The following HES7 variants were observed in gnomAD, a reference collection of about 807,000 sequenced individuals.
HES7 encodes transcription factor HES-7.
A neutral mutation model predicts 18.0 loss-of-function variants in HES7; 8 were observed. That is an observed-to-expected ratio of 0.45 (90% CI 0.26 to 0.80). The LOEUF is 0.80. HES7 is among the 30% of genes least tolerant of loss of function. The pLI is 0.18. For missense variants in HES7, 356 were observed against 340.9 expected, an observed-to-expected ratio of 1.04 and a Z score of -0.35; for synonymous variants, 170 against 158.6, an observed-to-expected ratio of 1.07 and a Z score of -0.54.
chr17:8,125,210 AC>A (rs1413175787), upstream of HES7, among the ~76,000 whole-genome samples: 1 of 152,198 alleles, frequency 6.6e-6, no homozygotes, highest in African/African-American at 2.4e-5. Context: ...GGATAAAGAC[AC>A]GGAAAGACAG....
chr17:8,126,506 G>T (rs918489223), upstream of HES7, among the ~76,000 whole-genome samples: 4 of 152,128 alleles, frequency 2.6e-5, no homozygotes, highest in Non-Finnish European at 5.9e-5. Flanking sequence ...TGGGAAGCTC[G>T]CTGACACTTC....
Position 8,123,280 on chromosome 17 carries a change from T to C in HES7, c.43-154A>G, listed in dbSNP as rs1338432812. On this transcript the variant is annotated intron_variant, in intron 1 of 3. Transcript: ENST00000541682. This position sits in a 1 kb window ranked among gnomAD's most constrained non-coding sequence, Gnocchi z 5.9. ...CCGGCCCCATTCGATCCCTCTCCGC[T>C]CCCCCTCCCAATGCCCCTAGATCAG... The C allele has an allele frequency of 1.5e-6, 1 of 651,192 alleles. No individual in the cohort carries two copies. Among genetic ancestry groups the C allele is most frequent in the South Asian group, 1.6e-5 (1 of 61,562 alleles). The allele number at this position is 651,192 out of a possible 1,614,324, so 40.3% of individuals were successfully genotyped here.
At position 8,122,756 on chromosome 17, in the gene HES7, G is replaced by A. The variant is rs1258649274; in HGVS notation, c.138+275C>T. ...ATCAGAGGCTGGCTGTGGGGGAGGG[G>A]GAACCGGACACTTAGAGACCCAAAG... is the stretch of plus-strand genomic sequence containing the variant. On this transcript the variant is annotated intron_variant, in intron 2 of 3. Transcript: ENST00000541682. This position sits in a 1 kb window ranked among gnomAD's most constrained non-coding sequence, Gnocchi z 6.9. 6.6e-6 allele frequency among the ~76,000 whole-genome samples: 1 copy of A among 152,166 alleles called. No homozygotes were observed. The highest frequency in any genetic ancestry group is 2.4e-5 in the African/African-American group (1 of 41,432).
rs772931911 is a variant in HES7 at position 8,121,879 on chromosome 17, C to G, written c.385G>C (p.Gly129Arg). The change falls in exon 4 of 4, where the codon GGC becomes CGC. Residue 129 changes from glycine (G) to arginine (R), a missense_variant. Transcript: ENST00000541682. ...ARAQLFSALH[G>R]YLRPKPPRPK... ...CGGGGCGGTTTGGGGCGCAGATAGC[C>G]GTGCAGCGCGGAGAAGAGCTGGGCG... The G allele has an allele frequency of 4.5e-6, 7 of 1,571,950 alleles. No homozygotes were observed. The highest frequency in any genetic ancestry group is 1.7e-5 in the Admixed American group (1 of 57,784).
chr17:8,125,095 C>G (rs1391800811), upstream of HES7, among the ~76,000 whole-genome samples: 2 of 152,142 alleles, frequency 1.3e-5, no homozygotes, highest in Non-Finnish European at 2.9e-5. Flanking sequence ...CACCTCAAAC[C>G]AAGAGCATGA....
rs986116992 is a variant in HES7, at chr17:8,122,971, G to A, written c.138+60C>T. On this transcript the variant is annotated intron_variant, in intron 2 of 3. Coordinates refer to ENST00000541682, the MANE Select transcript of HES7 (RefSeq NM_001165967.2). This position sits in a 1 kb window ranked among gnomAD's most constrained non-coding sequence, Gnocchi z 6.9. ...CCAAGCTTGTGTCCCCACCCCAGTG[G>A]GAAGCCCTGGGACGCGGAAACGGGA... The A allele has an allele frequency of 8.8e-6, 12 of 1,365,192 alleles. No homozygotes were observed. Among genetic ancestry groups the A allele is most frequent in the South Asian group, 8.7e-5 (7 of 80,542 alleles). 84.6% of individuals were successfully genotyped at this position (1,365,192 alleles called of 1,614,324 possible).
At position 8,120,999 on chromosome 17, in the gene HES7, T is replaced by TG. The variant is rs1301363980; in HGVS notation, c.*571_*572insC. The TG allele has an allele frequency of 6.5e-6, 1 of 152,754 alleles. No individual in the cohort carries two copies. The highest frequency in any genetic ancestry group is 1.5e-5 in the Non-Finnish European group (1 of 68,076). The allele number at this position is 152,754 out of a possible 1,614,324, so 9.5% of individuals were successfully genotyped here. On this transcript the variant is annotated 3_prime_UTR_variant, in exon 4 of 4. Transcript: ENST00000541682. ...GCAATTCAAAGGTTGTGGGTTCGAA[T>TG]CCCACCAGAGTCGATTTTATTTCAA...
At chr17:8,126,244 T>C (rs1981604284), upstream of HES7, among the ~76,000 whole-genome samples, 1 of 152,168 alleles carries the variant, frequency 6.6e-6, no homozygotes, top group African/African-American at 2.4e-5. Flanking sequence ...TCGCCTCCTT[T>C]CCGGGTCTCT....
chr17:8,126,129 C>G (rs1010459090), upstream of HES7, among the ~76,000 whole-genome samples: 3 of 152,040 alleles, frequency 2.0e-5, no homozygotes, highest in Non-Finnish European at 2.9e-5. Context: ...CCCCGCCCCC[C>G]ACTCTACATC....
chr17:8,125,946 G>A (rs560923225), upstream of HES7, among the ~76,000 whole-genome samples: 1 of 152,292 alleles, frequency 6.6e-6, no homozygotes, highest in Non-Finnish European at 1.5e-5. Flanking sequence ...AGAGTTTGCA[G>A]CCCCAGGCCT....
chr17:8,126,486 T>C (rs553007062), upstream of HES7, among the ~76,000 whole-genome samples: 2 of 152,180 alleles, frequency 1.3e-5, no homozygotes, highest in South Asian at 4.1e-4. Flanking sequence ...CCCACGCTCC[T>C]GCCATCCCCT....
chr17:8,122,522 G>T lies in HES7; in HGVS notation c.139-92C>A. The T allele has an allele frequency of 3.4e-6, 3 of 892,310 alleles. No homozygotes were observed. The highest frequency in any genetic ancestry group is 2.2e-4 in the Middle Eastern group (1 of 4,470). The allele number at this position is 892,310 out of a possible 1,614,324, so 55.3% of individuals were successfully genotyped here. A position where few individuals can be genotyped will look rare whatever the true frequency, so the allele number is the denominator to read the frequency against. On this transcript the variant is annotated intron_variant, in intron 2 of 3. Transcript: ENST00000541682. This position sits in a 1 kb window ranked among gnomAD's most constrained non-coding sequence, Gnocchi z 6.9. The stretch of plus-strand genomic sequence containing the variant: ...GAAGAAGGGAGGGACGGATGCGGGA[G>T]CTGGTGGTGCCCCCGATCGCATTTG...
chr17:8,123,066 G>C lies in HES7; in HGVS notation c.103C>G (p.Leu35Val). 3 of 1,605,468 alleles carry C rather than the reference G, an allele frequency of 1.9e-6. No homozygotes were observed. Among genetic ancestry groups the C allele is most frequent in the Non-Finnish European group, 2.6e-6 (3 of 1,176,380 alleles). Residue 35 changes from leucine (L) to valine (V), a missense_variant, in exon 2 of 4, where the codon CTG (leucine) becomes GTG (valine). By Grantham distance (32) the Leu-to-Val change is conservative (BLOSUM62 1). Transcript: ENST00000541682. This position sits in a 1 kb window ranked among gnomAD's most constrained non-coding sequence, Gnocchi z 5.9. ...RDRINRSLEELRLLLLERTRD... is the reference protein window; with the variant it reads ...RDRINRSLEEVRLLLLERTRD... ...GTCCGCTCCAGCAGCAGCAGCCTCA[G>C]CTCTTCCAGGCTGCGGTTGATGCGG...
chr17:8,122,908 G>T lies in HES7; in HGVS notation c.138+123C>A. The T allele has an allele frequency of 1.3e-6, 1 of 760,778 alleles. No individual in the cohort carries two copies. Among genetic ancestry groups the T allele is most frequent in the Non-Finnish European group, 2.3e-6 (1 of 426,414 alleles). The allele number at this position is 760,778 out of a possible 1,614,324, so 47.1% of individuals were successfully genotyped here. On this transcript the variant is annotated intron_variant, in intron 2 of 3. Transcript: ENST00000541682. This position sits in a 1 kb window ranked among gnomAD's most constrained non-coding sequence, Gnocchi z 6.9. ...GGTCTGGGATGGAATTCCAAAGGCG[G>T]GACTCGGGTGAGGATGCCTTGGGGC...
Position 8,121,777 on chromosome 17 carries a change from G to C in HES7, c.487C>G (p.Leu163Val), listed in dbSNP as rs1177454553. ...TGGTGCACTGGGGGGCGCTGGTGCAGCGCAGGGCCAAGGGCCGGTGCGGCG... is the reference window on the plus strand; with the variant it reads ...TGGTGCACTGGGGGGCGCTGGTGCACCGCAGGGCCAAGGGCCGGTGCGGCG... ...DPAAPALGPA[L>V]HQRPPVHQGH... is the part of the protein sequence containing the mutation. The change falls in exon 4 of 4, where the codon CTG (leucine) becomes GTG (valine). Residue 163 changes from leucine (L) to valine (V), a missense_variant. By Grantham distance (32) the Leu-to-Val change is conservative (BLOSUM62 1). Transcript: ENST00000541682. 7 of 1,540,384 alleles carry C rather than the reference G, an allele frequency of 4.5e-6. No individual in the cohort carries two copies. The highest frequency in any genetic ancestry group is 6.1e-6 in the Non-Finnish European group (7 of 1,156,010).
chr17:8,124,556 T>C (rs1981523927), upstream of HES7, among the ~76,000 whole-genome samples: 1 of 152,190 alleles, frequency 6.6e-6, no homozygotes, highest in African/African-American at 2.4e-5. Flanking sequence ...CCGAGTGCGC[T>C]GGGTGAATCT....
upstream of HES7, among the ~76,000 whole-genome samples, chr17:8,126,163 C>T (rs1464053902): frequency 6.6e-6 from 1 of 152,304 alleles, no homozygotes; most frequent in East Asian, 1.9e-4. Context: ...ACCTCTCTTC[C>T]TCTGTTATTT....
upstream of HES7, among the ~76,000 whole-genome samples, chr17:8,125,741 G>A (rs1021051732): frequency 9.2e-5 from 14 of 152,324 alleles, no homozygotes; most frequent in Admixed American, 2.6e-4. Flanking sequence ...GAATCTTTAA[G>A]CCGCGCATTG....
chr17:8,124,649 T>C (rs1018498797), upstream of HES7, among the ~76,000 whole-genome samples: 4 of 152,130 alleles, frequency 2.6e-5, no homozygotes, highest in African/African-American at 9.7e-5. Flanking sequence ...TCCGCGAACA[T>C]CTGCGCGCCC....
Sources: allele counts gnomAD v4.1 joint callset (sites outside exome capture counted in the v4.1 genomes callset), GRCh38; gene constraint gnomAD v4.1.1; non-coding constraint Gnocchi (gnomAD v3.1); transcripts MANE v1.5; gene names NCBI Gene and HGNC (gene_info 2026-07-23, HGNC 2026-07-21).